Variants in TSHZ2 observed in about 807,000 individuals in gnomAD.
The protein encoded by TSHZ2 is teashirt homolog 2.
A neutral mutation model predicts 74.4 loss-of-function variants in TSHZ2; 21 were observed. The ratio of observed to expected loss-of-function variants is 0.28; its 90% CI spans 0.20 to 0.41. The LOEUF is 0.41. TSHZ2 is among the 10% of genes least tolerant of loss of function. TSHZ2 has a pLI of 1.00. For missense variants in TSHZ2, 1,244 were observed against 1,293.5 expected, an observed-to-expected ratio of 0.96 and a Z score of 0.59; for synonymous variants, 540 against 515.3, an observed-to-expected ratio of 1.05 and a Z score of -0.65.
intron 2 of TSHZ2, among the ~76,000 whole-genome samples, chr20:53,455,995 A>G (rs1356518969): frequency 1.3e-5 from 2 of 150,508 alleles, no homozygotes; most frequent in African/African-American, 2.5e-5. Context: ...AGTCTTTGCT[A>G]TTGTGAATAA....
In TSHZ2 at chr20:53,476,267, A is replaced by T. The variant is rs535172471; in HGVS notation, c.*9-10877A>T. ...TTGATGCAAAAATCCTCAATAAAAT[A>T]CTGGCAAAACGAATCCAGCAGCACA... On this transcript the variant is annotated intron_variant, in intron 2 of 2. Transcript: ENST00000371497. Among the ~76,000 whole-genome samples the T allele has an allele frequency of 1.1e-4, 15 of 142,336 alleles. No individual in the cohort carries two copies. The East Asian group carries it at 2.0e-3, about 19-fold the overall frequency. The allele number at this position is 142,336 out of a possible 152,430, so 93.4% of individuals were successfully genotyped here. A position where few individuals can be genotyped will look rare whatever the true frequency, so the allele number is the denominator to read the frequency against.
intron 1 of TSHZ2, among the ~76,000 whole-genome samples, chr20:53,114,464 TG>T (rs1986617089): frequency 2.6e-5 from 4 of 152,174 alleles, no homozygotes; most frequent in Admixed American, 2.0e-4. Flanking sequence ...AGAAACGAGA[TG>T]ATCAATGCAA....
chr20:53,217,474 G>A (rs529420809), intron 1 of TSHZ2, among the ~76,000 whole-genome samples: 78 of 152,208 alleles, frequency 5.1e-4, no homozygotes, highest in Admixed American at 9.2e-4. Flanking sequence ...GAACAGCAAC[G>A]CCAGTGAACC....
At chr20:53,253,078 T>C (rs1354387259) in intron 1 of TSHZ2, among the ~76,000 whole-genome samples, 1 of 152,158 alleles carries the variant, frequency 6.6e-6, no homozygotes, top group Admixed American at 6.5e-5. Context: ...CTTTACCATC[T>C]AGATGCCAAG....
At chr20:53,300,139 C>T (rs1264250588) in intron 2 of TSHZ2, among the ~76,000 whole-genome samples, 6 of 152,170 alleles carry the variant, frequency 3.9e-5, no homozygotes, top group African/African-American at 1.4e-4. Context: ...CCCCAGCAAA[C>T]CCTCACTACC....
intron 2 of TSHZ2, among the ~76,000 whole-genome samples, chr20:53,345,984 A>T (rs1250037856): frequency 6.6e-6 from 1 of 152,098 alleles, no homozygotes; most frequent in East Asian, 1.9e-4. Flanking sequence ...CCCTTGCACA[A>T]ATGAGAAGAG....
At chr20:53,086,974 CAG>C (rs1985718076) in intron 1 of TSHZ2, among the ~76,000 whole-genome samples, 1 of 152,032 alleles carries the variant, frequency 6.6e-6, no homozygotes, top group Non-Finnish European at 1.5e-5. Context: ...GAGGAAGAGT[CAG>C]GGGATGGGGT....
chr20:53,438,561 G>A (rs1405403119), intron 2 of TSHZ2, among the ~76,000 whole-genome samples: 2 of 152,210 alleles, frequency 1.3e-5, no homozygotes, highest in African/African-American at 4.8e-5. Flanking sequence ...AGAACATGCT[G>A]ATTGGCCAGA....
At chr20:53,243,414 A>T (rs570979719) in intron 1 of TSHZ2, among the ~76,000 whole-genome samples, 4 of 152,314 alleles carry the variant, frequency 2.6e-5, no homozygotes, top group Admixed American at 2.6e-4. Flanking sequence ...AGATGAAAGC[A>T]TATCATAAAA....
intron 2 of TSHZ2, among the ~76,000 whole-genome samples, chr20:53,294,477 A>T (rs1031775628): frequency 6.6e-6 from 1 of 152,114 alleles, no homozygotes; most frequent in African/African-American, 2.4e-5. Context: ...GCTTATAAAA[A>T]AAAAAGAGAG....
intron 1 of TSHZ2, among the ~76,000 whole-genome samples, chr20:53,115,553 T>C (rs1455798845): frequency 6.6e-6 from 1 of 152,306 alleles, no homozygotes; most frequent in East Asian, 1.9e-4. Flanking sequence ...CTTTATAAAT[T>C]ACCCAGTCTC....
intron 2 of TSHZ2, among the ~76,000 whole-genome samples, chr20:53,426,563 A>G (rs1402950326): frequency 2.0e-5 from 3 of 152,170 alleles, no homozygotes; most frequent in Non-Finnish European, 4.4e-5. Flanking sequence ...CTTTTAAGAT[A>G]TAAGAGAATT....
At chr20:53,187,508 T>A (rs1988627931) in intron 1 of TSHZ2, among the ~76,000 whole-genome samples, 1 of 152,192 alleles carries the variant, frequency 6.6e-6, no homozygotes, top group African/African-American at 2.4e-5. Flanking sequence ...TATCCAAGAA[T>A]AACTGTGTGA....
At chr20:53,024,063 G>A (rs1231316846) in intron 1 of TSHZ2, among the ~76,000 whole-genome samples, 1 of 151,696 alleles carries the variant, frequency 6.6e-6, no homozygotes, top group Non-Finnish European at 1.5e-5. Flanking sequence ...TTGAAGTAGT[G>A]TGGGTGGGAA....
rs1980196945 is a variant in TSHZ2, at chr20:53,341,413, G to A, written c.*8+84842G>A. Among the ~76,000 whole-genome samples, 2 of 152,228 alleles carry A rather than the reference G, an allele frequency of 1.3e-5. 1 individual carries two copies. Among genetic ancestry groups the A allele is most frequent in the Middle Eastern group, 6.8e-3 (2 of 294 alleles). ...ATAAAATTGTCAGTCCTAAAACTGGGATAATCACAGAAGGAGGAACAGGTT... is the reference window on the plus strand; with the variant it reads ...ATAAAATTGTCAGTCCTAAAACTGGAATAATCACAGAAGGAGGAACAGGTT... On this transcript the variant is annotated intron_variant, in intron 2 of 2. Transcript: ENST00000371497.
chr20:53,387,922 G>A (rs1156491607), intron 2 of TSHZ2, among the ~76,000 whole-genome samples: 1 of 151,898 alleles, frequency 6.6e-6, no homozygotes, highest in Admixed American at 6.6e-5. Flanking sequence ...GGCAGCATGC[G>A]CCTGTAGTCC....
chr20:53,067,325 T>C (rs1003589618), intron 1 of TSHZ2, among the ~76,000 whole-genome samples: 1 of 152,216 alleles, frequency 6.6e-6, no homozygotes, highest in Non-Finnish European at 1.5e-5. Flanking sequence ...TTTTTTGTTA[T>C]GTAAAAAGCA....
At chr20:53,424,860 C>A (rs542898501) in intron 2 of TSHZ2, among the ~76,000 whole-genome samples, 1 of 152,300 alleles carries the variant, frequency 6.6e-6, no homozygotes, top group South Asian at 2.1e-4. Context: ...ATAATGGCTT[C>A]CAGCTCCATC....
intron 2 of TSHZ2, among the ~76,000 whole-genome samples, chr20:53,472,467 G>A (rs1390320230): frequency 1.3e-5 from 2 of 152,148 alleles, no homozygotes; most frequent in African/African-American, 2.4e-5. Flanking sequence ...AATAAGGATT[G>A]GGGGTGCAAG....
Sources: gnomAD v4.1 joint callset for allele counts (sites outside exome capture counted in the v4.1 genomes callset) on GRCh38, gnomAD v4.1.1 for gene constraint, MANE v1.5 for transcripts, NCBI Gene and HGNC (gene_info 2026-07-23, HGNC 2026-07-21) for gene names.